The following PRDM6 variants were observed in gnomAD, a reference collection of about 807,000 sequenced individuals.
The protein encoded by PRDM6 is putative histone-lysine N-methyltransferase PRDM6.
A neutral mutation model predicts 60.8 loss-of-function variants in PRDM6; 25 were observed. The ratio of observed to expected loss-of-function variants is 0.41; its 90% CI spans 0.30 to 0.57. The LOEUF is 0.57. PRDM6 is among the 20% of genes least tolerant of loss of function. PRDM6 has a pLI of 0.27. For synonymous variants in PRDM6, 407 were observed against 357.4 expected (o/e 1.14, Z -1.57); for missense variants, 839 against 821.3 (o/e 1.02, Z -0.26).
At chr5:123,092,990 G>A (rs1178316339) in intron 2 of PRDM6, among the ~76,000 whole-genome samples, 1 of 152,192 alleles carries the variant, frequency 6.6e-6, no homozygotes, top group Non-Finnish European at 1.5e-5. Context: ...TGGCATAATG[G>A]TTATTGAAAG....
chr5:123,100,320 A>C (rs903217120), intron 3 of PRDM6, among the ~76,000 whole-genome samples: 2 of 152,230 alleles, frequency 1.3e-5, no homozygotes, highest in African/African-American at 4.8e-5. Flanking sequence ...GAGATGGAGC[A>C]GCGGAGGGTG....
intron 3 of PRDM6, among the ~76,000 whole-genome samples, chr5:123,151,073 G>A (rs1188959383): frequency 3.3e-5 from 5 of 152,182 alleles, no homozygotes; most frequent in Non-Finnish European, 7.3e-5. Flanking sequence ...ACTTCGGCAT[G>A]CATTGGGTTC....
In PRDM6 at chr5:123,187,144, G is replaced by A; in HGVS notation, c.1731G>A (p.Arg577=). The change falls in exon 8 of 8, where the codon CGG becomes CGA. Residue 577 remains arginine (R), a synonymous_variant. Coordinates refer to ENST00000407847, the MANE Select transcript of PRDM6 (RefSeq NM_001136239.4). The part of the protein sequence containing the change: ...TQATQLSRHQ[R]MPNECKPITE... Reference sequence around the variant, plus strand: ...CCACCCAGCTGAGCCGACACCAGCGGATGCCCAATGAGTGCAAGCCAATAA... The same window carrying A: ...CCACCCAGCTGAGCCGACACCAGCGAATGCCCAATGAGTGCAAGCCAATAA... 1 of 1,551,608 alleles carries A rather than the reference G, an allele frequency of 6.4e-7. No homozygotes were observed. Among genetic ancestry groups the A allele is most frequent in the South Asian group, 1.2e-5 (1 of 84,060 alleles).
rs916986549 is a variant in PRDM6, at chr5:123,148,893, T to C, written c.901-6991T>C. 2.0e-5 allele frequency among the ~76,000 whole-genome samples: 3 copies of C among 152,198 alleles called. No homozygotes were observed. The South Asian group carries it at 6.2e-4, about 32-fold the overall frequency. On this transcript the variant is annotated intron_variant, in intron 3 of 7. Transcript: ENST00000407847. Reference sequence around the variant, plus strand: ...AAAAAAGCAATAACATGGTGGCCTATGATTCACATTTCCCAACCATATAAC... The same window carrying C: ...AAAAAAGCAATAACATGGTGGCCTACGATTCACATTTCCCAACCATATAAC...
intron 2 of PRDM6, 25 bp downstream of exon 2, chr5:123,090,631 C>G: frequency 2.0e-6 from 3 of 1,487,152 alleles, no homozygotes; most frequent in South Asian, 1.2e-5. Context: ...CCCGCGCGCT[C>G]TCTCCCGGGG....
At chr5:123,126,198 A>G (rs577723575) in intron 3 of PRDM6, among the ~76,000 whole-genome samples, 49 of 152,296 alleles carry the variant, frequency 3.2e-4, no homozygotes, top group African/African-American at 9.9e-4. Context: ...TTGTACATGC[A>G]TAAGTAGGCC....
At chr5:123,182,816 G>GT (rs35404140) in intron 7 of PRDM6, among the ~76,000 whole-genome samples, 26,817 of 151,368 alleles carry the variant, frequency 0.18, 2,490 homozygotes, top group African/African-American at 0.21. Flanking sequence ...TGCTGTAGTT[G>GT]TTTTTTTTTA....
At chr5:123,091,217 A>G (rs1763834279) in intron 2 of PRDM6, among the ~76,000 whole-genome samples, 2 of 152,122 alleles carry the variant, frequency 1.3e-5, no homozygotes, top group Admixed American at 6.5e-5. Context: ...CAGTATTCTT[A>G]GATCTACTAT....
chr5:123,097,954 T>A (rs1372431642), intron 2 of PRDM6, among the ~76,000 whole-genome samples: 1 of 152,218 alleles, frequency 6.6e-6, no homozygotes, highest in Non-Finnish European at 1.5e-5. Context: ...AGCTGCTGAC[T>A]GAGGCAAAGG....
chr5:123,173,190 C>CAA lies in PRDM6; in HGVS notation c.1496+2096_1496+2097dup, dbSNP rs60742506. 2.5e-3 allele frequency among the ~76,000 whole-genome samples: 296 copies of CAA among 119,278 alleles called. 5 individuals carry two copies. In the East Asian group the frequency reaches 0.041, roughly 17 times the overall value. The allele number at this position is 119,278 out of a possible 152,430, so 78.3% of individuals were successfully genotyped here. A position where few individuals can be genotyped will look rare whatever the true frequency, so the allele number is the denominator to read the frequency against. ...TGGGCGACAGAGTGAGACTCCATCT[C>CAA]AAAAAAAAAAAAAAATTATATGTAT... On this transcript the variant is annotated intron_variant, in intron 6 of 7. Transcript: ENST00000407847.
In PRDM6 at chr5:123,090,211, C is replaced by G. The variant is rs771205389; in HGVS notation, c.197C>G (p.Pro66Arg). ...CCCCCGGAGCGCGCTGAGCCTCCGC[C>G]GGACAGCCTGCGCCCGCGGCCCGCC... ...PPPPERAEPP[P>R]DSLRPRPASL... The change falls in exon 2 of 8, where the codon CCG becomes CGG. Residue 66 changes from proline to arginine, a missense_variant. This residue lies in a region of PRDM6 where 730 missense variants were observed against 648.8 expected (regional missense o/e 1.13). Transcript: ENST00000407847. 2.0e-6 allele frequency: 3 copies of G among 1,480,560 alleles called. No individual in the cohort carries two copies. The highest frequency in any genetic ancestry group is 2.7e-6 in the Non-Finnish European group (3 of 1,118,178). 91.7% of individuals were successfully genotyped at this position (1,480,560 alleles called of 1,614,324 possible).
intron 3 of PRDM6, among the ~76,000 whole-genome samples, chr5:123,155,005 T>A (rs974157873): frequency 7.2e-5 from 11 of 152,158 alleles, no homozygotes; most frequent in Non-Finnish European, 1.5e-4. Context: ...GAATCTGAAG[T>A]CGTTTCTGGA....
chr5:123,089,727 C>G (rs1763760164), intron 1 of PRDM6, among the ~76,000 whole-genome samples: 1 of 152,160 alleles, frequency 6.6e-6, no homozygotes, highest in African/African-American at 2.4e-5. Flanking sequence ...TTCTACGGGG[C>G]AGCGCCCTCC....
At chr5:123,179,095 A>G (rs936020662) in intron 6 of PRDM6, among the ~76,000 whole-genome samples, 1 of 152,084 alleles carries the variant, frequency 6.6e-6, no homozygotes, top group African/African-American at 2.4e-5. Flanking sequence ...AATAGGGAAA[A>G]CTCCCTGGGT....
chr5:123,134,265 G>A (rs957498394), intron 3 of PRDM6, among the ~76,000 whole-genome samples: 2 of 151,900 alleles, frequency 1.3e-5, no homozygotes, highest in Non-Finnish European at 2.9e-5. Context: ...CAATGGTAAC[G>A]GCCTTAGTTA....
rs1359944107 is a variant in PRDM6 at position 123,188,880 on chromosome 5, T to C, written c.*1679T>C. 6.6e-6 allele frequency: 1 copy of C among 152,204 alleles called. No homozygotes were observed. The highest frequency in any genetic ancestry group is 2.4e-5 in the African/African-American group (1 of 41,460). The allele number at this position is 152,204 out of a possible 1,614,324, so 9.4% of individuals were successfully genotyped here. Reference sequence around the variant, plus strand: ...ATTTTAAATGGAATTCAACAGGGTCTAATTAATAAGTGTTTACAGTTATTA... The same window carrying C: ...ATTTTAAATGGAATTCAACAGGGTCCAATTAATAAGTGTTTACAGTTATTA... On this transcript the variant is annotated 3_prime_UTR_variant, in exon 8 of 8. Transcript: ENST00000407847.
At chr5:123,178,368 C>G (rs890516022) in intron 6 of PRDM6, among the ~76,000 whole-genome samples, 3 of 152,076 alleles carry the variant, frequency 2.0e-5, no homozygotes, top group Non-Finnish European at 2.9e-5. Flanking sequence ...TGTTTATAAT[C>G]TTCAATAACA....
chr5:123,183,038 G>C (rs1168471613), intron 7 of PRDM6, among the ~76,000 whole-genome samples: 1 of 152,208 alleles, frequency 6.6e-6, no homozygotes, highest in Non-Finnish European at 1.5e-5. Flanking sequence ...TAAATATTAT[G>C]AAGATATCCT....
chr5:123,182,872 G>A (rs1392147676), intron 7 of PRDM6, among the ~76,000 whole-genome samples: 1 of 151,834 alleles, frequency 6.6e-6, no homozygotes, highest in East Asian at 1.9e-4. Flanking sequence ...CTGAGTGTAT[G>A]CTTATTTTGA....
Sources: gnomAD v4.1 joint callset for allele counts (sites outside exome capture counted in the v4.1 genomes callset) on GRCh38, gnomAD v4.1.1 for gene constraint, gnomAD v4.1.1 regional missense constraint, MANE v1.5 for transcripts, NCBI Gene and HGNC (gene_info 2026-07-23, HGNC 2026-07-21) for gene names.